Variants in SLC25A26 observed in about 807,000 individuals in gnomAD.
SLC25A26 encodes the protein mitochondrial S-adenosylmethionine carrier protein.
SLC25A26 carries 36 observed loss-of-function variants against 37.8 expected under a neutral mutation model. That is an observed-to-expected ratio of 0.95 (90% CI 0.73 to 1.26). SLC25A26 has a LOEUF of 1.26. SLC25A26 is among the 50% of genes most tolerant of loss of function. SLC25A26 has a pLI of 0.00. For synonymous variants in SLC25A26, 129 were observed against 122.5 expected (o/e 1.05, Z -0.35); for missense variants, 390 against 331.1 (o/e 1.18, Z -1.38).
rs148038865 is a variant in SLC25A26, at chr3:66,335,522, A to G, written c.454-10842A>G. ...GTAAATCAGCAGTAGATGAGTAGAA[A>G]CAGTAATATTATTCCTTGGACCATG... On this transcript the variant is annotated intron_variant, in intron 5 of 9. Coordinates refer to ENST00000354883, the MANE Select transcript of SLC25A26 (RefSeq NM_001379210.1). Among the ~76,000 whole-genome samples, 3 of 152,346 alleles carry G rather than the reference A, an allele frequency of 2.0e-5. No individual in the cohort carries two copies. In the East Asian group the frequency reaches 5.8e-4, roughly 29 times the overall value.
At chr3:66,309,217 G>A (rs994640401) in intron 5 of SLC25A26, among the ~76,000 whole-genome samples, 4 of 152,098 alleles carry the variant, frequency 2.6e-5, no homozygotes, top group African/African-American at 7.2e-5. Flanking sequence ...TCAGGGATTC[G>A]ACTTCTTCCT....
chr3:66,222,666 G>T (rs565536057), intron 1 of SLC25A26, among the ~76,000 whole-genome samples: 1 of 152,318 alleles, frequency 6.6e-6, no homozygotes, highest in Non-Finnish European at 1.5e-5. Flanking sequence ...CAAGAGATTA[G>T]ATAACTAGTT....
Position 66,296,522 on chromosome 3 carries a change from T to G in SLC25A26, c.453+33143T>G, listed in dbSNP as rs909728209. On this transcript the variant is annotated intron_variant, in intron 5 of 9. Transcript: ENST00000354883. ...ATATTGCTTATTTAAATAATCAGTT[T>G]TAAGAGTAAAAGCTTTGGCAACTAT... Among the ~76,000 whole-genome samples the G allele has an allele frequency of 3.1e-4, 47 of 152,350 alleles. 1 individual carries two copies. The highest frequency in any genetic ancestry group is 1.1e-3 in the African/African-American group (44 of 41,586).
intron 5 of SLC25A26, among the ~76,000 whole-genome samples, chr3:66,339,658 T>C (rs561454608): frequency 2.6e-5 from 4 of 152,144 alleles, no homozygotes; most frequent in Non-Finnish European, 5.9e-5. Flanking sequence ...TATATGCTTG[T>C]TGTCTATTTG....
intron 5 of SLC25A26, among the ~76,000 whole-genome samples, chr3:66,327,308 A>G (rs1046018990): frequency 1.3e-5 from 2 of 152,212 alleles, no homozygotes; most frequent in African/African-American, 2.4e-5. Context: ...ATTCAAAATA[A>G]TGTTTTTCAA....
At chr3:66,313,501 C>T (rs1289224929) in intron 5 of SLC25A26, among the ~76,000 whole-genome samples, 1 of 152,116 alleles carries the variant, frequency 6.6e-6, no homozygotes, top group Non-Finnish European at 1.5e-5. Flanking sequence ...GTAGCAGTAC[C>T]ATGCTGTTTG....
intron 6 of SLC25A26, among the ~76,000 whole-genome samples, chr3:66,356,771 G>C (rs1018761575): frequency 2.6e-5 from 4 of 152,088 alleles, no homozygotes; most frequent in Non-Finnish European, 4.4e-5. Context: ...TGGGACTCAG[G>C]GGTGTGCCAA....
chr3:66,307,558 T>C (rs758192493), intron 5 of SLC25A26, among the ~76,000 whole-genome samples: 1 of 152,240 alleles, frequency 6.6e-6, no homozygotes, highest in Non-Finnish European at 1.5e-5. Context: ...TTTTGGTGTT[T>C]TAATCATGAA....
chr3:66,164,697 T>C (rs554015402), intron 1 of SLC25A26, among the ~76,000 whole-genome samples: 36 of 152,344 alleles, frequency 2.4e-4, no homozygotes, highest in African/African-American at 8.2e-4. Context: ...CTTCTGTCAA[T>C]TTTTACAACC....
intron 1 of SLC25A26, among the ~76,000 whole-genome samples, chr3:66,229,947 T>G (rs1323623622): frequency 3.3e-5 from 5 of 152,188 alleles, no homozygotes; most frequent in African/African-American, 4.8e-5. Flanking sequence ...CCCTGAGTAT[T>G]CCACAAAGTG....
At chr3:66,152,108 G>A (rs958270369) in intron 1 of SLC25A26, among the ~76,000 whole-genome samples, 3 of 152,128 alleles carry the variant, frequency 2.0e-5, no homozygotes, top group Admixed American at 6.6e-5. Flanking sequence ...TGAGAGATCC[G>A]TTATCTAAGC....
intron 1 of SLC25A26, among the ~76,000 whole-genome samples, chr3:66,196,705 T>TAA (rs36140549): frequency 3.3e-5 from 5 of 151,868 alleles, no homozygotes; most frequent in African/African-American, 7.3e-5. Flanking sequence ...GCAATAACTT[T>TAA]AAAAAAACTA....
chr3:66,144,825 A>T (rs578033320), intron 1 of SLC25A26, among the ~76,000 whole-genome samples: 1 of 152,206 alleles, frequency 6.6e-6, no homozygotes, highest in South Asian at 2.1e-4. Flanking sequence ...TGACTTCAAA[A>T]CTCTAATAAT....
chr3:66,179,731 T>C (rs2070660901), intron 1 of SLC25A26, among the ~76,000 whole-genome samples: 1 of 152,196 alleles, frequency 6.6e-6, no homozygotes, highest in African/African-American at 2.4e-5. Context: ...TTTTTTTTCT[T>C]GTTATGATTA....
intron 1 of SLC25A26, among the ~76,000 whole-genome samples, chr3:66,147,105 TCCCCTCCCCTCCCCTC>T (rs2070128857): frequency 6.7e-5 from 2 of 29,680 alleles, no homozygotes; most frequent in African/African-American, 2.7e-4. Context: ...TCCCCTCCCC[TCCCCTCCCCTCCCCTC>T]CCCTCCCTTC....
At chr3:66,359,548 C>G (rs2076651058) in intron 6 of SLC25A26, among the ~76,000 whole-genome samples, 1 of 152,142 alleles carries the variant, frequency 6.6e-6, no homozygotes, top group East Asian at 1.9e-4. Flanking sequence ...CTGAAAGTGA[C>G]CTTTAGTCAT....
chr3:66,303,839 A>T (rs951149767), intron 5 of SLC25A26, among the ~76,000 whole-genome samples: 1 of 152,188 alleles, frequency 6.6e-6, no homozygotes, highest in Non-Finnish European at 1.5e-5. Context: ...ATCTGAGGCT[A>T]GGGTCCTCTT....
chr3:66,196,896 T>C (rs1019752713), intron 1 of SLC25A26, among the ~76,000 whole-genome samples: 1,616 of 152,240 alleles, frequency 0.011, 31 homozygotes, highest in African/African-American at 0.037. Context: ...TTATCTTATA[T>C]TAATTAAAAG....
At chr3:66,315,535 TC>T (rs761842283) in intron 5 of SLC25A26, among the ~76,000 whole-genome samples, 1 of 152,182 alleles carries the variant, frequency 6.6e-6, no homozygotes, top group Non-Finnish European at 1.5e-5. Flanking sequence ...GTGATTTTCT[TC>T]CAATTGTGCG....
Sources: allele counts gnomAD v4.1 joint callset (sites outside exome capture counted in the v4.1 genomes callset), GRCh38; gene constraint gnomAD v4.1.1; transcripts MANE v1.5; gene names NCBI Gene and HGNC (gene_info 2026-07-23, HGNC 2026-07-21).